The following SFMBT2 variants were observed in gnomAD, a reference collection of about 807,000 sequenced individuals.
The protein encoded by SFMBT2 is scm-like with four MBT domains protein 2.
In SFMBT2, 38 loss-of-function variants were observed where a neutral mutation model predicts 110.1. The observed-to-expected ratio is 0.35, with a 90% CI of 0.27 to 0.45. SFMBT2 has a LOEUF of 0.45. SFMBT2 is among the 20% of genes least tolerant of loss of function. The pLI is 1.00. For missense variants in SFMBT2, 1,011 were observed against 1,094.9 expected (o/e 0.92, Z 1.08); for synonymous variants, 425 against 425.4 (o/e 1.00, Z 0.01).
chr10:7,390,481 G>C (rs1248498806), intron 1 of SFMBT2, among the ~76,000 whole-genome samples: 2 of 152,100 alleles, frequency 1.3e-5, no homozygotes, highest in South Asian at 2.1e-4. Context: ...TATATCAATG[G>C]AAAATGTCAA....
rs527528329 is a variant in SFMBT2 at position 7,253,408 on chromosome 10, G to C, written c.871-4759C>G. Among the ~76,000 whole-genome samples, 11 of 152,268 alleles carry C rather than the reference G, an allele frequency of 7.2e-5. No homozygotes were observed. The East Asian group carries it at 1.9e-3, about 27-fold the overall frequency. ...ACTTGTGGGGTCTGCACTGCTTTCA[G>C]ACAGTGTCAGAAATGAATTAAACTG... is the stretch of plus-strand genomic sequence containing the variant. On this transcript the variant is annotated intron_variant, in intron 7 of 20. Coordinates refer to ENST00000397167, the MANE Select transcript of SFMBT2 (RefSeq NM_001387889.1).
intron 11 of SFMBT2, among the ~76,000 whole-genome samples, chr10:7,219,986 AC>A (rs1839672080): frequency 6.6e-6 from 1 of 152,234 alleles, no homozygotes; most frequent in African/African-American, 2.4e-5. Flanking sequence ...TCCTCCAGGT[AC>A]TATTTTGAGG....
Position 7,172,467 on chromosome 10 carries a change from G to C in SFMBT2, c.2151+28C>G, listed in dbSNP as rs769672654. On this transcript the variant is annotated intron_variant, in intron 18 of 20. Coordinates refer to ENST00000397167, the MANE Select transcript of SFMBT2 (RefSeq NM_001387889.1). This position sits in a 1 kb window ranked among gnomAD's most constrained non-coding sequence, Gnocchi z 4.6. ...CCAGGGCCAGATGACAGAGCTACAGGCTGGCAGGTGCCCCGGGCAGAACAT... is the reference window on the plus strand; with the variant it reads ...CCAGGGCCAGATGACAGAGCTACAGCCTGGCAGGTGCCCCGGGCAGAACAT... 2.5e-6 allele frequency: 4 copies of C among 1,612,798 alleles called. No homozygotes were observed. Among genetic ancestry groups the C allele is most frequent in the Non-Finnish European group, 3.4e-6 (4 of 1,179,994 alleles).
intron 4 of SFMBT2, among the ~76,000 whole-genome samples, chr10:7,311,262 C>T (rs1252770665): frequency 6.6e-6 from 1 of 151,874 alleles, no homozygotes; most frequent in African/African-American, 2.4e-5. Flanking sequence ...CATAATTGCC[C>T]TCTTTGAACT....
At chr10:7,384,527 T>TA (rs201581927) in intron 1 of SFMBT2, among the ~76,000 whole-genome samples, 16 of 151,348 alleles carry the variant, frequency 1.1e-4, no homozygotes, top group African/African-American at 2.4e-4. Context: ...GGTTTTTTAA[T>TA]AAAAAAAAAT....
At chr10:7,399,695 T>C (rs1205398362) in intron 1 of SFMBT2, among the ~76,000 whole-genome samples, 1 of 152,214 alleles carries the variant, frequency 6.6e-6, no homozygotes, top group Admixed American at 6.5e-5. Flanking sequence ...TGCGTCCATA[T>C]GGTAACTAAC....
intron 7 of SFMBT2, among the ~76,000 whole-genome samples, chr10:7,253,995 A>G (rs1840908327): frequency 6.6e-6 from 1 of 152,200 alleles, no homozygotes; most frequent in Non-Finnish European, 1.5e-5. Flanking sequence ...ACGATTTCAG[A>G]AACGTTTTAC....
intron 15 of SFMBT2, among the ~76,000 whole-genome samples, chr10:7,196,774 C>A (rs1028597339): frequency 2.0e-5 from 3 of 152,122 alleles, no homozygotes; most frequent in Non-Finnish European, 4.4e-5. Flanking sequence ...AGAGAAAGTA[C>A]GGATACGTGT....
At chr10:7,333,026 C>T (rs887825407) in intron 4 of SFMBT2, among the ~76,000 whole-genome samples, 3 of 152,122 alleles carry the variant, frequency 2.0e-5, no homozygotes, top group African/African-American at 7.2e-5. Context: ...ACCACCACGC[C>T]CAGCTAATTT....
Position 7,160,067 on chromosome 10 carries a change from G to A in SFMBT2, c.*3703C>T, listed in dbSNP as rs1462285238. On this transcript the variant is annotated 3_prime_UTR_variant, in exon 21 of 21. Coordinates refer to ENST00000397167, the MANE Select transcript of SFMBT2 (RefSeq NM_001387889.1). ...AAGCAAACACAGGAAATAATCTTTCGAATATGATCAAATAAGGTGGGAGAA... is the reference window on the plus strand; with the variant it reads ...AAGCAAACACAGGAAATAATCTTTCAAATATGATCAAATAAGGTGGGAGAA... The A allele has an allele frequency of 1.3e-5, 2 of 152,096 alleles. No homozygotes were observed. The highest frequency in any genetic ancestry group is 2.1e-4 in the South Asian group (1 of 4,824). 9.4% of individuals were successfully genotyped at this position (152,096 alleles called of 1,614,324 possible). A position where few individuals can be genotyped will look rare whatever the true frequency, so the allele number is the denominator to read the frequency against.
At chr10:7,197,922 T>A in intron 14 of SFMBT2, 2 of 954,802 alleles carry the variant, frequency 2.1e-6, no homozygotes, top group Non-Finnish European at 2.5e-6. Context: ...TAGTTCCAAA[T>A]CGTGACAAAG....
At chr10:7,289,755 T>C (rs891888668) in intron 4 of SFMBT2, among the ~76,000 whole-genome samples, 1 of 152,220 alleles carries the variant, frequency 6.6e-6, no homozygotes, top group African/African-American at 2.4e-5. Flanking sequence ...ACAATAAATA[T>C]TGCTATAAAA....
intron 4 of SFMBT2, among the ~76,000 whole-genome samples, chr10:7,313,368 A>C (rs147829117): frequency 6.6e-6 from 1 of 152,336 alleles, no homozygotes; most frequent in East Asian, 1.9e-4. Flanking sequence ...AATGGAGTGA[A>C]ATAAGATGGC....
chr10:7,380,615 T>C (rs1845392167), intron 2 of SFMBT2, among the ~76,000 whole-genome samples: 1 of 152,094 alleles, frequency 6.6e-6, no homozygotes, highest in African/African-American at 2.4e-5. Context: ...GACTAAACTG[T>C]CCTTAAGTCA....
At chr10:7,259,982 G>C (rs146032218) in intron 7 of SFMBT2, among the ~76,000 whole-genome samples, 1 of 152,316 alleles carries the variant, frequency 6.6e-6, no homozygotes, top group East Asian at 1.9e-4. Context: ...TAGTGTATAA[G>C]ATTCAAAGAT....
rs200930460 is a variant in SFMBT2 at position 7,220,536 on chromosome 10, G to T, written c.1205C>A (p.Thr402Lys). The T allele has an allele frequency of 6.2e-7, 1 of 1,613,980 alleles. No homozygotes were observed. The highest frequency in any genetic ancestry group is 1.1e-5 in the South Asian group (1 of 91,084). Reference sequence around the variant, plus strand: ...CTTTGTGAAACCTCGACTGAATGATGTCTGCAAGAGAAACGAGACCAACAC... The same window carrying T: ...CTTTGTGAAACCTCGACTGAATGATTTCTGCAAGAGAAACGAGACCAACAC... Reference protein sequence around the residue: ...QEAPPFCFRNTSFSRGFTKNM... With the variant: ...QEAPPFCFRNKSFSRGFTKNM... The change falls in exon 11 of 21, where the codon ACA (threonine) becomes AAA (lysine). Residue 402 changes from threonine (T) to lysine (K), a missense_variant and splice_region_variant. By Grantham distance (78) the Thr-to-Lys change is moderately conservative (BLOSUM62 -1). This residue lies in a region of SFMBT2 where 979 missense variants were observed against 1,016.1 expected (regional missense o/e 0.96). Coordinates refer to ENST00000397167, the MANE Select transcript of SFMBT2 (RefSeq NM_001387889.1).
intron 4 of SFMBT2, among the ~76,000 whole-genome samples, chr10:7,300,248 C>T (rs1435906059): frequency 6.6e-6 from 1 of 150,866 alleles, no homozygotes; most frequent in African/African-American, 2.4e-5. Context: ...CACACATAAC[C>T]TATGTAACAA....
intron 9 of SFMBT2, among the ~76,000 whole-genome samples, chr10:7,233,694 G>C (rs1440525165): frequency 6.6e-6 from 1 of 152,150 alleles, no homozygotes; most frequent in Non-Finnish European, 1.5e-5. Flanking sequence ...GCAGCACTTC[G>C]GGGCATTTTT....
chr10:7,203,774 G>A (rs1195650725), intron 12 of SFMBT2: 1 of 503,466 alleles, frequency 2.0e-6, no homozygotes, highest in Non-Finnish European at 2.6e-6. Flanking sequence ...GGAGTGCAGT[G>A]GCATGATCTC....
Sources: allele counts gnomAD v4.1 joint callset (sites outside exome capture counted in the v4.1 genomes callset), GRCh38; gene constraint gnomAD v4.1.1; regional missense constraint gnomAD v4.1.1; non-coding constraint Gnocchi (gnomAD v3.1); transcripts MANE v1.5; gene names NCBI Gene and HGNC (gene_info 2026-07-23, HGNC 2026-07-21).